USH2A: variants seen among roughly 807,000 people sequenced by gnomAD.
USH2A encodes the protein usherin, also known as Usher syndrome 2A (autosomal recessive, mild).
A neutral mutation model predicts 538.9 loss-of-function variants in USH2A; 443 were observed. The observed-to-expected ratio is 0.82, with a 90% CI of 0.76 to 0.89. The LOEUF (loss-of-function observed/expected upper bound fraction) is 0.89. Ranked by LOEUF, USH2A falls within the 40% of genes least tolerant of loss-of-function variation. The probability of loss-of-function intolerance (pLI) is 0.00; values close to 1 mark genes in which losing one functional copy is unlikely to be tolerated. For missense variants in USH2A, 6,633 were observed against 6,324.8 expected (o/e 1.05, Z -1.65); for synonymous variants, 2,413 against 2,273.5 (o/e 1.06, Z -1.75).
rs1291156030 is a variant in USH2A at position 216,418,646 on chromosome 1, A to G, written c.519T>C (p.Ile173=). The change falls in exon 3 of 72, where the codon ATT becomes ATC. Residue 173 remains isoleucine (I), a synonymous_variant. Transcript: ENST00000307340. The part of the protein sequence containing the change: ...CVIEKTVDGQ[I]VFKLTISEKE... ...TCTCAGATATTGTAAGTTTGAACACAATCTGCCCATCTACTGTCTTTTCTA... is the reference window on the plus strand; with the variant it reads ...TCTCAGATATTGTAAGTTTGAACACGATCTGCCCATCTACTGTCTTTTCTA... The G allele has an allele frequency of 6.2e-7, 1 of 1,613,264 alleles. No homozygotes were observed. The highest frequency in any genetic ancestry group is 1.7e-5 in the Admixed American group (1 of 59,926).
At chr1:215,819,817 T>C (rs1662962311) in intron 47 of USH2A, among the ~76,000 whole-genome samples, 4 of 151,816 alleles carry the variant, frequency 2.6e-5, no homozygotes, top group Admixed American at 6.6e-5. Flanking sequence ...GAGGATTTAA[T>C]CAAGTACACG....
chr1:215,954,569 TG>T (rs1281356992), intron 37 of USH2A, among the ~76,000 whole-genome samples: 2 of 59,178 alleles, frequency 3.4e-5, no homozygotes, highest in Non-Finnish European at 6.0e-5. Flanking sequence ...TGTTGTGGGG[TG>T]GGGGGAGGGG....
intron 9 of USH2A, among the ~76,000 whole-genome samples, chr1:216,304,863 C>T (rs1360049038): frequency 2.3e-5 from 3 of 132,984 alleles, no homozygotes; most frequent in African/African-American, 8.1e-5. Context: ...AATTTTATTT[C>T]ACGGTGGTCT....
chr1:215,830,843 T>C (rs1476987510), intron 47 of USH2A, among the ~76,000 whole-genome samples: 1 of 152,146 alleles, frequency 6.6e-6, no homozygotes, highest in Non-Finnish European at 1.5e-5. Context: ...TGCTACTTTA[T>C]GAAAAAATAG....
chr1:215,742,240 A>T (rs192243592), intron 59 of USH2A, among the ~76,000 whole-genome samples: 285 of 152,300 alleles, frequency 1.9e-3, no homozygotes, highest in African/African-American at 6.7e-3. Context: ...CAACTCCATG[A>T]GAACTAGCAC....
At position 215,934,786 on chromosome 1, in the gene USH2A, T is replaced by C. The variant is rs111033394; in HGVS notation, c.7130A>G (p.Asn2377Ser). ...GIFYVDPVGN[N>S]YTLLNVTKVM... Reference sequence around the variant, plus strand: ...TTTTGTGACATTCAGAAGGGTGTAGTTATTACCTACTGATTAAAAAAGAAA... The same window carrying C: ...TTTTGTGACATTCAGAAGGGTGTAGCTATTACCTACTGATTAAAAAAGAAA... The change falls in exon 38 of 72, where the codon AAC (asparagine) becomes AGC (serine). Residue 2377 changes from asparagine to serine, a missense_variant. Coordinates refer to ENST00000307340, the MANE Select transcript of USH2A (RefSeq NM_206933.4). The C allele has an allele frequency of 4.2e-3, 6,805 of 1,610,458 alleles. 28 individuals are homozygous for C. The highest frequency in any genetic ancestry group is 5.0e-3 in the Admixed American group (296 of 59,780).
intron 26 of USH2A, among the ~76,000 whole-genome samples, chr1:216,080,747 G>A (rs2031915999): frequency 6.6e-6 from 1 of 151,064 alleles, no homozygotes; most frequent in African/African-American, 2.4e-5. Context: ...TACAGAGGAA[G>A]GGATAGAATC....
At chr1:215,871,879 G>T (rs951833054) in intron 43 of USH2A, among the ~76,000 whole-genome samples, 4 of 152,106 alleles carry the variant, frequency 2.6e-5, no homozygotes, top group African/African-American at 9.7e-5. Flanking sequence ...ATTTGTCCAG[G>T]GCAAAATATG....
Position 215,674,238 on chromosome 1 carries a change from G to A in USH2A, c.13673C>T (p.Thr4558Ile), listed in dbSNP as rs1447095193. 6.2e-7 allele frequency: 1 copy of A among 1,614,132 alleles called. No individual in the cohort carries two copies. Among genetic ancestry groups the A allele is most frequent in the Admixed American group, 1.7e-5 (1 of 60,018 alleles). Reference protein sequence around the residue: ...ILVNWDPPVRTNGDIINYTLF... With the variant: ...ILVNWDPPVRINGDIINYTLF... ...GGTATAATTGATGATATCACCATTT[G>A]TTCTCACTGGAGGGTCCCAGTTCAC... is the stretch of plus-strand genomic sequence containing the variant. Residue 4558 changes from threonine (T) to isoleucine (I), a missense_variant, in exon 63 of 72, where the codon ACA becomes ATA. Coordinates refer to ENST00000307340, the MANE Select transcript of USH2A (RefSeq NM_206933.4).
intron 11 of USH2A, 102 bp downstream of exon 11, chr1:216,289,175 GATT>G: frequency 2.6e-6 from 4 of 1,533,694 alleles, no homozygotes; most frequent in Non-Finnish European, 3.6e-6. Flanking sequence ...GCACATAGAG[GATT>G]TCCTGGCAAA....
At chr1:216,206,896 A>T (rs927526416) in intron 16 of USH2A, among the ~76,000 whole-genome samples, 4 of 152,184 alleles carry the variant, frequency 2.6e-5, no homozygotes, top group Admixed American at 2.6e-4. Flanking sequence ...GCTAAGTCAA[A>T]TGTTATGTTA....
chr1:216,330,642 G>A (rs1188482338), intron 4 of USH2A, among the ~76,000 whole-genome samples: 1 of 151,942 alleles, frequency 6.6e-6, no homozygotes, highest in Non-Finnish European at 1.5e-5. Flanking sequence ...GGTACAAATT[G>A]TTATATATAC....
chr1:215,626,980 A>G (rs1656048605), intron 71 of USH2A, among the ~76,000 whole-genome samples: 1 of 152,186 alleles, frequency 6.6e-6, no homozygotes, highest in Non-Finnish European at 1.5e-5. Flanking sequence ...GCCTTTTAAA[A>G]ACTTTAGATC....
intron 3 of USH2A, among the ~76,000 whole-genome samples, chr1:216,408,790 C>A (rs2039435799): frequency 6.6e-6 from 1 of 152,094 alleles, no homozygotes; most frequent in Admixed American, 6.6e-5. Context: ...ACAGCAACAG[C>A]TGATCTGATT....
chr1:216,190,458 C>T (rs1054903068), intron 19 of USH2A, 91 bp from the exon 20 acceptor site: 57 of 1,514,838 alleles, frequency 3.8e-5, no homozygotes, highest in Non-Finnish European at 4.9e-5. Flanking sequence ...TCCATGAATT[C>T]AGACAGAGGG....
chr1:216,249,865 C>CGT (rs200704283), intron 12 of USH2A, among the ~76,000 whole-genome samples: 3 of 151,206 alleles, frequency 2.0e-5, no homozygotes, highest in African/African-American at 4.9e-5. Flanking sequence ...TGTAAGCATT[C>CGT]GTGTGTGTGT....
At chr1:216,374,283 C>T (rs927463756) in intron 3 of USH2A, among the ~76,000 whole-genome samples, 2 of 89,316 alleles carry the variant, frequency 2.2e-5, no homozygotes, top group East Asian at 5.5e-4. Context: ...AAAGCAGTGC[C>T]GACCCAAAAA....
In USH2A at chr1:216,091,702, A is replaced by G. The variant is rs537544710; in HGVS notation, c.4759-2563T>C. Among the ~76,000 whole-genome samples, 9 of 152,314 alleles carry G rather than the reference A, an allele frequency of 5.9e-5. No individual in the cohort carries two copies. The South Asian group carries it at 1.9e-3, about 32-fold the overall frequency. ...AGGAATTTAATACTCAATTTTATTA[A>G]GATATTTTAAAAAGAGCAAAGTACA... On this transcript the variant is annotated intron_variant, in intron 22 of 71. Transcript: ENST00000307340.
intron 61 of USH2A, among the ~76,000 whole-genome samples, chr1:215,707,466 T>G (rs532277893): frequency 9.8e-5 from 15 of 152,308 alleles, no homozygotes; most frequent in African/African-American, 3.6e-4. Context: ...ACAGATGACC[T>G]CTGTGAAGTA....
Sources: allele counts gnomAD v4.1 joint callset (sites outside exome capture counted in the v4.1 genomes callset), GRCh38; gene constraint gnomAD v4.1.1; transcripts MANE v1.5; gene names NCBI Gene and HGNC (gene_info 2026-07-23, HGNC 2026-07-21).